The following CCSER1 variants were observed in gnomAD, a reference collection of about 807,000 sequenced individuals.
The protein encoded by CCSER1 is coiled-coil serine rich protein 1, also known as serine-rich coiled-coil domain-containing protein 1.
A neutral mutation model predicts 82.0 loss-of-function variants in CCSER1; 41 were observed. That is an observed-to-expected ratio of 0.50 (90% CI 0.39 to 0.65). The LOEUF is 0.65. CCSER1 is among the 30% of genes least tolerant of loss of function. The probability of loss-of-function intolerance (pLI) is 0.00; values close to 1 mark genes in which losing one functional copy is unlikely to be tolerated. For synonymous variants in CCSER1, 414 were observed against 383.9 expected (o/e 1.08, Z -0.92); for missense variants, 1,119 against 1,064.2 (o/e 1.05, Z -0.72).
intron 1 of CCSER1, among the ~76,000 whole-genome samples, chr4:90,224,198 A>T (rs561021933): frequency 6.6e-6 from 1 of 152,190 alleles, no homozygotes; most frequent in Non-Finnish European, 1.5e-5. Context: ...TAGAGCCCCA[A>T]TTCATCAGAA....
intron 5 of CCSER1, among the ~76,000 whole-genome samples, chr4:90,599,712 C>T (rs1783811273): frequency 6.6e-6 from 1 of 152,176 alleles, no homozygotes; most frequent in Non-Finnish European, 1.5e-5. Context: ...CTTTGCTGCA[C>T]TCTGGCACTC....
At chr4:90,248,846 C>T (rs1051189205) in intron 1 of CCSER1, among the ~76,000 whole-genome samples, 9 of 151,548 alleles carry the variant, frequency 5.9e-5, no homozygotes, top group African/African-American at 1.9e-4. Context: ...CACAGGTGCA[C>T]GCCATCACAG....
chr4:90,807,370 G>T (rs535728033), intron 7 of CCSER1, among the ~76,000 whole-genome samples: 10 of 152,110 alleles, frequency 6.6e-5, no homozygotes, highest in Admixed American at 1.3e-4. Flanking sequence ...GAAGAAATTG[G>T]ACTACTGTAA....
intron 10 of CCSER1, among the ~76,000 whole-genome samples, chr4:91,571,912 G>A (rs900842696): frequency 2.6e-5 from 4 of 151,998 alleles, no homozygotes; most frequent in Non-Finnish European, 4.4e-5. Context: ...CCTCTCCTTG[G>A]GTCTACTGCA....
chr4:90,647,199 T>C (rs1362847121), intron 6 of CCSER1, among the ~76,000 whole-genome samples: 1 of 152,238 alleles, frequency 6.6e-6, no homozygotes, highest in Non-Finnish European at 1.5e-5. Context: ...TGCTGTTTTC[T>C]GATTATCAAC....
intron 10 of CCSER1, among the ~76,000 whole-genome samples, chr4:91,424,884 A>C (rs575281638): frequency 6.6e-6 from 1 of 152,194 alleles, no homozygotes; most frequent in African/African-American, 2.4e-5. Context: ...ACAAGAAATT[A>C]TATGTGTGGT....
At chr4:91,438,248 G>C (rs1184853301) in intron 10 of CCSER1, among the ~76,000 whole-genome samples, 2 of 152,198 alleles carry the variant, frequency 1.3e-5, no homozygotes, top group Non-Finnish European at 2.9e-5. Flanking sequence ...GGGGCAGACT[G>C]ACACCTCACA....
chr4:91,219,525 A>G lies in CCSER1; in HGVS notation c.2217+133531A>G, dbSNP rs573205979. On this transcript the variant is annotated intron_variant, in intron 10 of 10. Coordinates refer to ENST00000509176, the MANE Select transcript of CCSER1 (RefSeq NM_001145065.2). ...ACCATGTTGGCCAGGCTGGTCTCGA[A>G]CTCCTGACCTCAAGTGATCTGACCA... 1.5e-4 allele frequency among the ~76,000 whole-genome samples: 23 copies of G among 151,752 alleles called. No individual in the cohort carries two copies. In the South Asian group the frequency reaches 4.2e-3, roughly 27 times the overall value.
intron 10 of CCSER1, among the ~76,000 whole-genome samples, chr4:91,108,768 A>G (rs1455053356): frequency 2.6e-5 from 4 of 152,178 alleles, no homozygotes; most frequent in African/African-American, 9.7e-5. Context: ...GACAAGTTAT[A>G]TTTAGTAACT....
intron 10 of CCSER1, among the ~76,000 whole-genome samples, chr4:91,191,377 G>A (rs1291277554): frequency 6.6e-6 from 1 of 152,104 alleles, no homozygotes; most frequent in African/African-American, 2.4e-5. Flanking sequence ...TCTTTCTGGG[G>A]CCAAACTGTT....
intron 10 of CCSER1, among the ~76,000 whole-genome samples, chr4:91,289,007 T>C (rs1203100234): frequency 6.6e-6 from 1 of 151,650 alleles, no homozygotes; most frequent in Non-Finnish European, 1.5e-5. Flanking sequence ...GTCACAAGAG[T>C]GTGGAAAGAG....
At chr4:90,533,721 T>C (rs942218177) in intron 5 of CCSER1, among the ~76,000 whole-genome samples, 3 of 152,234 alleles carry the variant, frequency 2.0e-5, no homozygotes, top group African/African-American at 7.2e-5. Context: ...AGACGTTACC[T>C]AGTATATTTA....
At chr4:90,645,456 ATACT>A (rs1727393783) in intron 6 of CCSER1, among the ~76,000 whole-genome samples, 1 of 152,194 alleles carries the variant, frequency 6.6e-6, no homozygotes, top group African/African-American at 2.4e-5. Flanking sequence ...CTTTATATCT[ATACT>A]TATAGTCTTC....
intron 6 of CCSER1, 107 bp downstream of exon 6, chr4:90,628,339 A>C: frequency 1.2e-6 from 1 of 816,314 alleles, no homozygotes; most frequent in Non-Finnish European, 2.0e-6. Context: ...GACATTGGGC[A>C]GGGGTCAGGT....
At chr4:90,129,111 C>T (rs1480771136) in intron 1 of CCSER1, among the ~76,000 whole-genome samples, 1 of 151,716 alleles carries the variant, frequency 6.6e-6, no homozygotes, top group African/African-American at 2.4e-5. Flanking sequence ...AGTTGAATAC[C>T]TTCCTATTGA....
At chr4:91,275,366 A>C (rs1742352138) in intron 10 of CCSER1, among the ~76,000 whole-genome samples, 1 of 151,712 alleles carries the variant, frequency 6.6e-6, no homozygotes, top group African/African-American at 2.4e-5. Flanking sequence ...AGCTACTCTA[A>C]CTGGGTTAAA....
intron 10 of CCSER1, among the ~76,000 whole-genome samples, chr4:91,398,098 C>T (rs1011842013): frequency 6.6e-6 from 1 of 151,906 alleles, no homozygotes. Flanking sequence ...TACTCCTCAT[C>T]TGTAAAATCA....
chr4:90,488,406 T>G (rs899756221), intron 5 of CCSER1, among the ~76,000 whole-genome samples: 5 of 152,238 alleles, frequency 3.3e-5, no homozygotes, highest in African/African-American at 1.2e-4. Context: ...CAGGCTGATT[T>G]CAAACTCCTG....
chr4:90,852,372 T>C (rs1763987255), intron 8 of CCSER1, among the ~76,000 whole-genome samples: 1 of 152,182 alleles, frequency 6.6e-6, no homozygotes, highest in African/African-American at 2.4e-5. Flanking sequence ...TTTATGTCAA[T>C]ATATCTTGGA....
Sources: gnomAD v4.1 joint callset for allele counts (sites outside exome capture counted in the v4.1 genomes callset) on GRCh38, gnomAD v4.1.1 for gene constraint, MANE v1.5 for transcripts, NCBI Gene and HGNC (gene_info 2026-07-23, HGNC 2026-07-21) for gene names.